Variants in MPZ observed in about 807,000 individuals in gnomAD.
The protein encoded by MPZ is myelin protein zero, also known as myelin protein P0.
Under a neutral mutation model 27.9 loss-of-function variants are expected in MPZ, and 13 were observed. The observed-to-expected ratio is 0.47, with a 90% CI of 0.30 to 0.74. The LOEUF (loss-of-function observed/expected upper bound fraction) is 0.74. MPZ is among the 30% of genes least tolerant of loss of function. The pLI, the probability that MPZ is intolerant of heterozygous loss-of-function variation, is 0.06. For synonymous variants in MPZ, 118 were observed against 128.9 expected (o/e 0.92, Z 0.57); for missense variants, 256 against 317.5 (o/e 0.81, Z 1.47).
In MPZ at chr1:161,305,650, T is replaced by A. The variant is rs1670215701; in HGVS notation, c.*226A>T. ...GGGGTAAGAGGAGCCTAGGTCCCCC[T>A]GCTCTGGCAGGGCCTGGGGTGGGGG... On this transcript the variant is annotated 3_prime_UTR_variant, in exon 6 of 6. Coordinates refer to ENST00000533357, the MANE Select transcript of MPZ (RefSeq NM_000530.8). 1.8e-6 allele frequency: 1 copy of A among 569,098 alleles called. No homozygotes were observed. The highest frequency in any genetic ancestry group is 2.2e-5 in the South Asian group (1 of 44,458). 35.3% of individuals were successfully genotyped at this position (569,098 alleles called of 1,614,324 possible).
chr1:161,305,983 G>A lies in MPZ; in HGVS notation c.646-6C>T, dbSNP rs1198019111. On this transcript the variant is annotated splice_region_variant and splice_polypyrimidine_tract_variant and intron_variant, in intron 5 of 5. Transcript: ENST00000533357. ...ATTGCATACAGCACTGGCGTCTGGG[G>A]GAGGGGCGCACACATCAGTCACCGA... The A allele has an allele frequency of 6.2e-7, 1 of 1,613,526 alleles. No individual in the cohort carries two copies. The highest frequency in any genetic ancestry group is 1.7e-5 in the Admixed American group (1 of 59,994).
At chr1:161,306,685 C>T in intron 3 of MPZ, 23 bp downstream of exon 3, 1 of 1,611,516 alleles carries the variant, frequency 6.2e-7, no homozygotes, top group Non-Finnish European at 8.5e-7. Context: ...TTCCCATACC[C>T]TTGTCCCCAT....
At chr1:161,308,435 A>G (rs1264484091) in intron 1 of MPZ, among the ~76,000 whole-genome samples, 1 of 152,150 alleles carries the variant, frequency 6.6e-6, no homozygotes, top group Non-Finnish European at 1.5e-5. Context: ...CAGAGAGACT[A>G]TGTGTGTGGG....
At position 161,305,973 on chromosome 1, in the gene MPZ, G is replaced by A. The variant is rs372917899; in HGVS notation, c.650C>T (p.Pro217Leu). 6.2e-7 allele frequency: 1 copy of A among 1,613,748 alleles called. No homozygotes were observed. The highest frequency in any genetic ancestry group is 1.3e-5 in the African/African-American group (1 of 74,854). The change falls in exon 6 of 6, where the codon CCA becomes CTA. Residue 217 changes from proline to leucine, a missense_variant. By Grantham distance (98) the Pro-to-Leu change is moderately conservative (BLOSUM62 -3). Transcript: ENST00000533357. ...GTGGTCCAGCATTGCATACAGCACT[G>A]GCGTCTGGGGGAGGGGCGCACACAT... ...KDASKRGRQT[P>L]VLYAMLDHSR...
rs1670312733 is a variant in MPZ, at chr1:161,308,383, C to G, written c.68-959G>C. On this transcript the variant is annotated intron_variant, in intron 1 of 5. Coordinates refer to ENST00000533357, the MANE Select transcript of MPZ (RefSeq NM_000530.8). ...CACCTTCCTCTTGGCCACTGTGGCCCAGTGCCATCCCCAAGACTTACCCAC... is the reference window on the plus strand; with the variant it reads ...CACCTTCCTCTTGGCCACTGTGGCCGAGTGCCATCCCCAAGACTTACCCAC... Among the ~76,000 whole-genome samples the G allele has an allele frequency of 2.6e-5, 4 of 152,206 alleles. No homozygotes were observed. The South Asian group carries it at 8.3e-4, about 31-fold the overall frequency.
In MPZ at chr1:161,309,871, G is replaced by C. The variant is rs1411132023; in HGVS notation, c.35C>G (p.Pro12Arg). Residue 12 changes from proline (P) to arginine (R), a missense_variant, in exon 1 of 6, where the codon CCT becomes CGT. Coordinates refer to ENST00000533357, the MANE Select transcript of MPZ (RefSeq NM_000530.8). The part of the protein sequence containing the change: ...APGAPSSSPS[P>R]ILAVLLFSSL... Reference sequence around the variant, plus strand: ...AGAGAAGAGCAGCACAGCCAGGATAGGGCTGGGGCTGGATGAGGGAGCCCC... The same window carrying C: ...AGAGAAGAGCAGCACAGCCAGGATACGGCTGGGGCTGGATGAGGGAGCCCC... 6.3e-7 allele frequency: 1 copy of C among 1,588,988 alleles called. No homozygotes were observed. The highest frequency in any genetic ancestry group is 2.3e-5 in the East Asian group (1 of 44,134).
rs780317399 is a variant in MPZ at position 161,309,859 on chromosome 1, A to G, written c.47T>C (p.Val16Ala). Reference sequence around the variant, plus strand: ...CTTACCCAAAGAAGAGAAGAGCAGCACAGCCAGGATAGGGCTGGGGCTGGA... The same window carrying G: ...CTTACCCAAAGAAGAGAAGAGCAGCGCAGCCAGGATAGGGCTGGGGCTGGA... ...PSSSPSPILA[V>A]LLFSSLVLSP... Residue 16 changes from valine to alanine, a missense_variant, in exon 1 of 6, where the codon GTG becomes GCG. By Grantham distance (64) the Val-to-Ala change is moderately conservative. Transcript: ENST00000533357. 6.3e-7 allele frequency: 1 copy of G among 1,587,256 alleles called. No individual in the cohort carries two copies.
Position 161,306,691 on chromosome 1 carries a change from C to A in MPZ, c.448+17G>T. The A allele has an allele frequency of 6.2e-7, 1 of 1,612,210 alleles. No individual in the cohort carries two copies. The highest frequency in any genetic ancestry group is 8.5e-7 in the Non-Finnish European group (1 of 1,178,368). Reference sequence around the variant, plus strand: ...CCAAACTGCTTCCCATACCCTTGTCCCCATCCCTTCTCACACCTTTTTCAA... The same window carrying A: ...CCAAACTGCTTCCCATACCCTTGTCACCATCCCTTCTCACACCTTTTTCAA... On this transcript the variant is annotated intron_variant, in intron 3 of 5. Coordinates refer to ENST00000533357, the MANE Select transcript of MPZ (RefSeq NM_000530.8).
At position 161,305,964 on chromosome 1, in the gene MPZ, T is replaced by A; in HGVS notation, c.659A>T (p.Tyr220Phe). The change falls in exon 6 of 6, where the codon TAT (tyrosine) becomes TTT (phenylalanine). Residue 220 changes from tyrosine (Y) to phenylalanine (F), a missense_variant. By Grantham distance (22) the Tyr-to-Phe change is conservative (BLOSUM62 3). Around this residue, in one of 2 missense-constraint regions of MPZ, gnomAD observed 101 missense variants for 93.6 expected, o/e 1.08. Transcript: ENST00000533357. Reference sequence around the variant, plus strand: ...GCTTCTGCTGTGGTCCAGCATTGCATACAGCACTGGCGTCTGGGGGAGGGG... The same window carrying A: ...GCTTCTGCTGTGGTCCAGCATTGCAAACAGCACTGGCGTCTGGGGGAGGGG... ...SKRGRQTPVL[Y>F]AMLDHSRSTK... 6.2e-7 allele frequency: 1 copy of A among 1,614,004 alleles called. No homozygotes were observed. The highest frequency in any genetic ancestry group is 2.2e-5 in the East Asian group (1 of 44,862).
chr1:161,306,526 C>T (rs1057464161), intron 3 of MPZ, 62 bp from the exon 4 acceptor site: 1 of 1,607,086 alleles, frequency 6.2e-7, no homozygotes, highest in Non-Finnish European at 8.5e-7. Context: ...GGTTCCTAGT[C>T]CGAGTGTATG....
chr1:161,307,671 A>T (rs1670297182), intron 1 of MPZ, among the ~76,000 whole-genome samples: 1 of 152,216 alleles, frequency 6.6e-6, no homozygotes, highest in Non-Finnish European at 1.5e-5. Flanking sequence ...TCTCTTGAGG[A>T]CTTCCAGAGA....
chr1:161,309,552 A>ATATATATATATATT, intron 1 of MPZ, among the ~76,000 whole-genome samples: 2 of 80,636 alleles, frequency 2.5e-5, no homozygotes, highest in African/African-American at 1.2e-4. Flanking sequence ...ATATATATAT[A>ATATATATATATATT]TTTTTTTTTT....
In MPZ at chr1:161,305,515, T is replaced by C. The variant is rs1571816485; in HGVS notation, c.*361A>G. ...GCTCCCAGAAAGCCAGGGGTGAAGG[T>C]GGGGGAGAATACAATTGCCTGGGGA... is the stretch of plus-strand genomic sequence containing the variant. On this transcript the variant is annotated 3_prime_UTR_variant, in exon 6 of 6. Coordinates refer to ENST00000533357, the MANE Select transcript of MPZ (RefSeq NM_000530.8). 1 of 254,552 alleles carries C rather than the reference T, an allele frequency of 3.9e-6. No homozygotes were observed. Among genetic ancestry groups the C allele is most frequent in the African/African-American group, 2.4e-5 (1 of 42,196 alleles). 15.8% of individuals were successfully genotyped at this position (254,552 alleles called of 1,614,324 possible). A position where few individuals can be genotyped will look rare whatever the true frequency, so the allele number is the denominator to read the frequency against.
At position 161,307,034 on chromosome 1, in the gene MPZ, A is replaced by AAAAAAAAAAAAAAAG; in HGVS notation, c.235-114_235-113insCTTTTTTTTTTTTTT. On this transcript the variant is annotated intron_variant, in intron 2 of 5. Coordinates refer to ENST00000533357, the MANE Select transcript of MPZ (RefSeq NM_000530.8). ...AAAAGCAAAAAAAAAAAAAAAAAAAAAAAAGCTTCGCTCCAGCCTCAGGGT... is the reference window on the plus strand; with the variant it reads ...AAAAGCAAAAAAAAAAAAAAAAAAAAAAAAAAAAAAAAAAGAAAAGCTTCGCTCCAGCCTCAGGGT... 2.0e-6 allele frequency: 2 copies of AAAAAAAAAAAAAAAG among 1,014,002 alleles called. 1 individual carries two copies. Among genetic ancestry groups the AAAAAAAAAAAAAAAG allele is most frequent in the Non-Finnish European group, 2.9e-6 (2 of 699,066 alleles). The allele number at this position is 1,014,002 out of a possible 1,614,324, so 62.8% of individuals were successfully genotyped here.
In MPZ at chr1:161,305,915, C is replaced by T. The variant is rs768913825; in HGVS notation, c.708G>A (p.Lys236=). ...TGCGAGACTCCCCCAGCCCCTTGGC[C>T]TTCTTCTCACTGACAGCTTTGGTGC... ...SRSTKAVSEK[K]AKGLGESRKD... Residue 236 remains lysine, a synonymous_variant, in exon 6 of 6, where the codon AAG becomes AAA. Coordinates refer to ENST00000533357, the MANE Select transcript of MPZ (RefSeq NM_000530.8). The T allele has an allele frequency of 1.9e-5, 31 of 1,613,914 alleles. No homozygotes were observed. Among genetic ancestry groups the T allele is most frequent in the Non-Finnish European group, 2.5e-5 (30 of 1,179,938 alleles).
At position 161,307,415 on chromosome 1, in the gene MPZ, G is replaced by A. The variant is rs530923760; in HGVS notation, c.77C>T (p.Pro26Leu). 48 of 1,614,136 alleles carry A rather than the reference G, an allele frequency of 3.0e-5. No homozygotes were observed. In the East Asian group the frequency reaches 3.8e-4, roughly 13 times the overall value. ...VLLFSSLVLS[P>L]AQAIVVYTDR... ...GGTGTAAACCACGATGGCCTGGGCC[G>A]GGGACAGCACTGCAAGCACAAAGTG... The change falls in exon 2 of 6, where the codon CCG (proline) becomes CTG (leucine). Residue 26 changes from proline to leucine, a missense_variant. By Grantham distance (98) the Pro-to-Leu change is moderately conservative. Coordinates refer to ENST00000533357, the MANE Select transcript of MPZ (RefSeq NM_000530.8).
At chr1:161,303,694 T>C (rs1415789981), downstream of MPZ, among the ~76,000 whole-genome samples, 1 of 152,232 alleles carries the variant, frequency 6.6e-6, no homozygotes, top group Non-Finnish European at 1.5e-5. Flanking sequence ...CAGCTGCAAC[T>C]ATCTAATGAA....
chr1:161,306,708 C>A lies in MPZ; in HGVS notation c.448G>T (p.Val150Leu). Residue 150 changes from valine (V) to leucine (L), a missense_variant and splice_region_variant, in exon 3 of 6, where the codon GTG becomes TTG. By Grantham distance (32) the Val-to-Leu change is conservative. Around this residue, in one of 2 missense-constraint regions of MPZ, gnomAD observed 155 missense variants for 223.9 expected, o/e 0.69. Transcript: ENST00000533357. ...SQVTLYVFEK[V>L]PTRYGVVLGA... Reference sequence around the variant, plus strand: ...CCCTTGTCCCCATCCCTTCTCACACCTTTTTCAAAGACATACAGCGTGACC... The same window carrying A: ...CCCTTGTCCCCATCCCTTCTCACACATTTTTCAAAGACATACAGCGTGACC... 1 of 1,613,928 alleles carries A rather than the reference C, an allele frequency of 6.2e-7. No homozygotes were observed. Among genetic ancestry groups the A allele is most frequent in the Non-Finnish European group, 8.5e-7 (1 of 1,179,878 alleles).
Position 161,306,925 on chromosome 1 carries a change from T to C in MPZ, c.235-4A>G, listed in dbSNP as rs1558154259. ...GTCCCTTGGCATAGTGGAAGATCTA[T>C]GAGGAATGAGGGGAAGCATGTGAGA... On this transcript the variant is annotated splice_polypyrimidine_tract_variant and splice_region_variant and intron_variant, in intron 2 of 5. Transcript: ENST00000533357. 2 of 1,603,092 alleles carry C rather than the reference T, an allele frequency of 1.2e-6. No individual in the cohort carries two copies. Among genetic ancestry groups the C allele is most frequent in the East Asian group, 2.2e-5 (1 of 44,566 alleles).
Sources: allele counts gnomAD v4.1 joint callset (sites outside exome capture counted in the v4.1 genomes callset), GRCh38; gene constraint gnomAD v4.1.1; regional missense constraint gnomAD v4.1.1; transcripts MANE v1.5; gene names NCBI Gene and HGNC (gene_info 2026-07-23, HGNC 2026-07-21).